Variants in UTRN observed in about 807,000 individuals in gnomAD.
UTRN encodes dystrophin-related protein 1.
UTRN carries 283 observed loss-of-function variants against 463.9 expected under a neutral mutation model. The ratio of observed to expected loss-of-function variants is 0.61; its 90% CI spans 0.55 to 0.67. The LOEUF (loss-of-function observed/expected upper bound fraction) is 0.67, where lower values mean the gene tolerates loss of function less well. UTRN is among the 30% of genes least tolerant of loss of function. The probability of loss-of-function intolerance (pLI) is 0.00; values close to 1 mark genes in which losing one functional copy is unlikely to be tolerated. For synonymous variants in UTRN, 1,442 were observed against 1,431.5 expected (o/e 1.01, Z -0.17); for missense variants, 3,922 against 4,084.3 (o/e 0.96, Z 1.08).
chr6:144,609,898 G>T (rs1454380345), intron 51 of UTRN, among the ~76,000 whole-genome samples: 2 of 151,964 alleles, frequency 1.3e-5, no homozygotes. Flanking sequence ...TGGAAACACA[G>T]CATACCAAAA....
At chr6:144,312,614 T>C (rs1315419174) in intron 2 of UTRN, among the ~76,000 whole-genome samples, 2 of 152,234 alleles carry the variant, frequency 1.3e-5, no homozygotes, top group Non-Finnish European at 2.9e-5. Flanking sequence ...AGAATTTCCC[T>C]TTTTCTGCTT....
chr6:144,782,800 TAGTC>T (rs925598366), intron 61 of UTRN, among the ~76,000 whole-genome samples: 1 of 152,154 alleles, frequency 6.6e-6, no homozygotes, highest in Admixed American at 6.5e-5. Flanking sequence ...ATTTGTGAAA[TAGTC>T]AGTTCTAGAA....
At position 144,755,263 on chromosome 6, in the gene UTRN, C is replaced by T. The variant is rs189103178; in HGVS notation, c.8434+465C>T. On this transcript the variant is annotated intron_variant, in intron 57 of 74. Transcript: ENST00000367545. Reference sequence around the variant, plus strand: ...AGATTTTGATTTATTAGGCTCGCTGCGATTATATTTAGTTTTTCTGCTATT... The same window carrying T: ...AGATTTTGATTTATTAGGCTCGCTGTGATTATATTTAGTTTTTCTGCTATT... Among the ~76,000 whole-genome samples, 15 of 152,164 alleles carry T rather than the reference C, an allele frequency of 9.9e-5. No individual in the cohort carries two copies. In the East Asian group the frequency reaches 1.9e-3, roughly 20 times the overall value.
At chr6:144,731,873 T>G (rs571627241) in intron 54 of UTRN, among the ~76,000 whole-genome samples, 5,413 of 152,150 alleles carry the variant, frequency 0.036, 279 homozygotes, top group African/African-American at 0.11. Flanking sequence ...TCTTTTTCTT[T>G]TTTTTTGAGA....
chr6:144,572,386 TA>T (rs1379636660), intron 50 of UTRN, among the ~76,000 whole-genome samples: 1 of 152,078 alleles, frequency 6.6e-6, no homozygotes, highest in East Asian at 1.9e-4. Flanking sequence ...TTAGTTTTTT[TA>T]AAAAAATTTT....
intron 54 of UTRN, among the ~76,000 whole-genome samples, chr6:144,737,262 C>T (rs1039141788): frequency 7.2e-5 from 11 of 152,078 alleles, no homozygotes; most frequent in South Asian, 2.1e-4. Context: ...GACACTGGTG[C>T]GACTGTATGA....
intron 2 of UTRN, among the ~76,000 whole-genome samples, chr6:144,373,532 G>A (rs1780190973): frequency 6.6e-6 from 1 of 152,228 alleles, no homozygotes; most frequent in African/African-American, 2.4e-5. Context: ...AGGGAATGGG[G>A]GAGTAACTGC....
chr6:144,566,895 C>A (rs542691765), intron 50 of UTRN, among the ~76,000 whole-genome samples: 1 of 152,212 alleles, frequency 6.6e-6, no homozygotes, highest in South Asian at 2.1e-4. Flanking sequence ...TGTCTGTAAT[C>A]CAGCACTTTG....
At chr6:144,354,674 G>A (rs1467700030) in intron 2 of UTRN, among the ~76,000 whole-genome samples, 2 of 152,122 alleles carry the variant, frequency 1.3e-5, no homozygotes, top group Non-Finnish European at 2.9e-5. Flanking sequence ...TAGATCATCA[G>A]CCATTCACTC....
chr6:144,552,623 T>A (rs1311187015), intron 48 of UTRN, among the ~76,000 whole-genome samples: 1 of 152,244 alleles, frequency 6.6e-6, no homozygotes, highest in Non-Finnish European at 1.5e-5. Flanking sequence ...TATAAATATT[T>A]CTGTGTGTGT....
chr6:144,658,297 G>C (rs1245578919), intron 51 of UTRN, among the ~76,000 whole-genome samples: 1 of 152,008 alleles, frequency 6.6e-6, no homozygotes, highest in Non-Finnish European at 1.5e-5. Context: ...GTATAGATGG[G>C]CATATGTAAA....
intron 2 of UTRN, among the ~76,000 whole-genome samples, chr6:144,352,249 G>A (rs1401124440): frequency 6.6e-6 from 1 of 152,146 alleles, no homozygotes; most frequent in Non-Finnish European, 1.5e-5. Context: ...TCTGAGTAAC[G>A]AGTGTTATAG....
chr6:144,494,510 C>T (rs1484030213), intron 33 of UTRN, among the ~76,000 whole-genome samples: 1 of 152,200 alleles, frequency 6.6e-6, no homozygotes, highest in Non-Finnish European at 1.5e-5. Context: ...AAAGCTTCCA[C>T]AGTGTGGAAG....
intron 2 of UTRN, among the ~76,000 whole-genome samples, chr6:144,381,335 C>T (rs1780901265): frequency 6.6e-6 from 1 of 152,202 alleles, no homozygotes; most frequent in Non-Finnish European, 1.5e-5. Context: ...ATCCATGTCC[C>T]TGCAAACAAC....
chr6:144,698,447 C>A lies in UTRN; in HGVS notation c.7653-1640C>A, dbSNP rs142204461. Among the ~76,000 whole-genome samples, 204 of 152,314 alleles carry A rather than the reference C, an allele frequency of 1.3e-3. 2 individuals carry two copies. The highest frequency in any genetic ancestry group is 4.0e-3 in the Admixed American group (61 of 15,300). ...AAACTTTTTTTATTATTTCACACAG[C>A]GTTTTTTAATCAGCATATGCTGATG... On this transcript the variant is annotated intron_variant, in intron 52 of 74. Coordinates refer to ENST00000367545, the MANE Select transcript of UTRN (RefSeq NM_007124.3).
chr6:144,490,976 A>T lies in UTRN; in HGVS notation c.4311A>T (p.Pro1437=), dbSNP rs759588971. The change falls in exon 32 of 75, where the codon CCA becomes CCT. Residue 1437 remains proline, a synonymous_variant. Coordinates refer to ENST00000367545, the MANE Select transcript of UTRN (RefSeq NM_007124.3). ...CAAAGTTCCAGCTTTTCCAGAAGCC[A>T]GCTAACTTCGAGCAGCGCATGCTGG... The part of the protein sequence containing the change: ...VSTKFQLFQK[P]ANFEQRMLDC... 12 of 1,611,320 alleles carry T rather than the reference A, an allele frequency of 7.4e-6. No homozygotes were observed. Among genetic ancestry groups the T allele is most frequent in the African/African-American group, 1.3e-5 (1 of 74,906 alleles).
chr6:144,653,771 C>T (rs1779060922), intron 51 of UTRN, among the ~76,000 whole-genome samples: 1 of 151,970 alleles, frequency 6.6e-6, no homozygotes, highest in African/African-American at 2.4e-5. Context: ...TTTGCAAATT[C>T]CTAGTGATAG....
chr6:144,827,982 T>C (rs890238828), intron 68 of UTRN, among the ~76,000 whole-genome samples: 9 of 152,176 alleles, frequency 5.9e-5, no homozygotes, highest in African/African-American at 2.2e-4. Context: ...GAAAGTGGGA[T>C]TGCAGGTATT....
chr6:144,757,823 C>T, intron 57 of UTRN, 106 bp from the exon 58 acceptor site: 1 of 983,776 alleles, frequency 1.0e-6, no homozygotes, highest in Non-Finnish European at 1.5e-6. Flanking sequence ...AGCTCAGAAA[C>T]CAGAGCAGTT....
Sources: allele counts gnomAD v4.1 joint callset (sites outside exome capture counted in the v4.1 genomes callset), GRCh38; gene constraint gnomAD v4.1.1; transcripts MANE v1.5; gene names NCBI Gene and HGNC (gene_info 2026-07-23, HGNC 2026-07-21).